Variants in PCSK5 observed in about 807,000 individuals in gnomAD.
PCSK5 encodes proprotein convertase subtilisin/kexin type 5, also known as prohormone convertase 5.
A neutral mutation model predicts 233.2 loss-of-function variants in PCSK5; 129 were observed. The observed-to-expected ratio is 0.55, with a 90% CI of 0.48 to 0.64. The LOEUF is 0.64. Among genes scored for constraint, PCSK5 ranks in the 30% least tolerant of loss-of-function variants. The pLI, the probability that PCSK5 is intolerant of heterozygous loss-of-function variation, is 0.00. For synonymous variants in PCSK5, 825 were observed against 879.2 expected (o/e 0.94, Z 1.09); for missense variants, 2,076 against 2,430.1 (o/e 0.85, Z 3.06).
At chr9:76,167,193 C>T (rs372926589) in intron 12 of PCSK5, among the ~76,000 whole-genome samples, 25 of 152,058 alleles carry the variant, frequency 1.6e-4, no homozygotes, top group South Asian at 4.2e-4. Context: ...TGAAGTGCCA[C>T]GCTCCTCTAT....
At chr9:76,023,948 C>T (rs1828307881) in intron 4 of PCSK5, 67 bp downstream of exon 4, 6 of 1,416,596 alleles carry the variant, frequency 4.2e-6, no homozygotes, top group Non-Finnish European at 5.8e-6. Context: ...TTAGGATTAT[C>T]AAAAAGGTGG....
chr9:76,131,709 T>A (rs10746991), intron 9 of PCSK5, among the ~76,000 whole-genome samples: 17 of 151,814 alleles, frequency 1.1e-4, no homozygotes, highest in African/African-American at 3.4e-4. Context: ...TAGTGCTAAG[T>A]TTCACTAGGG....
At chr9:75,899,088 G>A (rs1825920559) in intron 1 of PCSK5, among the ~76,000 whole-genome samples, 1 of 152,166 alleles carries the variant, frequency 6.6e-6, no homozygotes, top group African/African-American at 2.4e-5. Context: ...TTCTTGTAGA[G>A]GATGATTCAA....
chr9:75,920,336 G>A (rs1158750892), intron 1 of PCSK5, among the ~76,000 whole-genome samples: 2 of 152,058 alleles, frequency 1.3e-5, no homozygotes, highest in Non-Finnish European at 2.9e-5. Context: ...TATCACCCAG[G>A]CTGGAGTGCT....
chr9:76,342,666 C>A (rs1829868017), intron 35 of PCSK5, among the ~76,000 whole-genome samples: 1 of 152,322 alleles, frequency 6.6e-6, no homozygotes, highest in South Asian at 2.1e-4. Context: ...AAATCTGCTT[C>A]TTTTCCCAAA....
intron 5 of PCSK5, among the ~76,000 whole-genome samples, chr9:76,059,483 T>C (rs1158562575): frequency 2.0e-5 from 3 of 152,246 alleles, no homozygotes; most frequent in Admixed American, 6.5e-5. Flanking sequence ...AAGGTTTTTA[T>C]GGTTTTAGGT....
intron 24 of PCSK5, among the ~76,000 whole-genome samples, chr9:76,256,973 G>A (rs955711767): frequency 6.6e-6 from 1 of 152,220 alleles, no homozygotes; most frequent in African/African-American, 2.4e-5. Context: ...CTAGAAAGGT[G>A]CTCATATCTT....
At chr9:76,166,966 GAC>G (rs1192397808) in intron 12 of PCSK5, among the ~76,000 whole-genome samples, 8 of 152,216 alleles carry the variant, frequency 5.3e-5, no homozygotes, top group African/African-American at 1.9e-4. Flanking sequence ...AGTATATAAT[GAC>G]ACAGCCATTT....
intron 20 of PCSK5, among the ~76,000 whole-genome samples, chr9:76,202,477 G>C (rs947148241): frequency 1.3e-5 from 2 of 152,218 alleles, no homozygotes; most frequent in African/African-American, 4.8e-5. Flanking sequence ...GGATAAAACT[G>C]AAATTCCTTT....
chr9:76,304,036 G>A (rs1267897679), intron 28 of PCSK5, among the ~76,000 whole-genome samples: 1 of 152,182 alleles, frequency 6.6e-6, no homozygotes, highest in Non-Finnish European at 1.5e-5. Context: ...GCCAGGCTTG[G>A]TGGCAGGCAC....
intron 12 of PCSK5, among the ~76,000 whole-genome samples, chr9:76,165,310 T>C (rs567075094): frequency 6.6e-6 from 1 of 152,338 alleles, no homozygotes; most frequent in East Asian, 1.9e-4. Context: ...ATTCTGAAAT[T>C]AAGATCCATT....
At chr9:76,131,426 A>T (rs1046582342) in intron 9 of PCSK5, among the ~76,000 whole-genome samples, 4 of 152,094 alleles carry the variant, frequency 2.6e-5, no homozygotes, top group African/African-American at 4.8e-5. Flanking sequence ...AAATTAGATC[A>T]TTTCTGAAGT....
chr9:76,090,907 T>C (rs1188507352), intron 7 of PCSK5, among the ~76,000 whole-genome samples: 1 of 151,980 alleles, frequency 6.6e-6, no homozygotes, highest in Non-Finnish European at 1.5e-5. Context: ...CAATGACAGA[T>C]CATCAGTCAT....
intron 3 of PCSK5, among the ~76,000 whole-genome samples, chr9:75,999,119 G>T (rs1218567342): frequency 6.6e-6 from 1 of 152,018 alleles, no homozygotes; most frequent in Non-Finnish European, 1.5e-5. Flanking sequence ...ATGCAGGTTT[G>T]TTACATAGGT....
chr9:76,287,762 A>ATGTC (rs1564158242), intron 24 of PCSK5: 1 of 179,648 alleles, frequency 5.6e-6, no homozygotes, highest in Non-Finnish European at 1.2e-5. Flanking sequence ...CCCGGCCAGC[A>ATGTC]TGTCCTCTTT....
chr9:76,180,327 G>A (rs1324369811), intron 15 of PCSK5, among the ~76,000 whole-genome samples: 1 of 152,000 alleles, frequency 6.6e-6, no homozygotes, highest in African/African-American at 2.4e-5. Flanking sequence ...CAAGTTTCAT[G>A]TCCTTTCCAC....
At chr9:75,940,305 C>G (rs190957151) in intron 2 of PCSK5, among the ~76,000 whole-genome samples, 19 of 152,290 alleles carry the variant, frequency 1.2e-4, no homozygotes, top group Middle Eastern at 6.8e-3. Context: ...ATATTTGAAG[C>G]CTTTTGTTTA....
intron 12 of PCSK5, among the ~76,000 whole-genome samples, chr9:76,159,560 A>C (rs1027790040): frequency 2.6e-5 from 4 of 152,202 alleles, no homozygotes; most frequent in Non-Finnish European, 5.9e-5. Flanking sequence ...CTTAAAGGAA[A>C]TTCTAATTTT....
At chr9:76,048,470 C>T (rs1157871690) in intron 5 of PCSK5, among the ~76,000 whole-genome samples, 1 of 152,182 alleles carries the variant, frequency 6.6e-6, no homozygotes, top group East Asian at 1.9e-4. Flanking sequence ...TTAGTTTGTT[C>T]TGGCACTAAG....
Sources: gnomAD v4.1 joint callset for allele counts (sites outside exome capture counted in the v4.1 genomes callset) on GRCh38, gnomAD v4.1.1 for gene constraint, MANE v1.5 for transcripts, NCBI Gene and HGNC (gene_info 2026-07-23, HGNC 2026-07-21) for gene names.